Variants in METAP1D observed in about 807,000 individuals in gnomAD.
The protein encoded by METAP1D is methionine aminopeptidase 1D, mitochondrial.
In METAP1D, 31 loss-of-function variants were observed where a neutral mutation model predicts 40.5. The ratio of observed to expected loss-of-function variants is 0.77; its 90% confidence interval spans 0.58 to 1.03. The LOEUF is 1.03. METAP1D is among the 50% of genes least tolerant of loss of function. METAP1D has a pLI of 0.00. For synonymous variants in METAP1D, 151 were observed against 146.4 expected (o/e 1.03, Z -0.22); for missense variants, 411 against 420.7 (o/e 0.98, Z 0.20).
At chr2:172,057,706 C>T (rs1020534333) in intron 1 of METAP1D, among the ~76,000 whole-genome samples, 2 of 152,152 alleles carry the variant, frequency 1.3e-5, no homozygotes, top group African/African-American at 4.8e-5. Context: ...GGCAACTTAG[C>T]CTGCTTTCCC....
At chr2:172,002,819 A>T (rs961031667) in intron 1 of METAP1D, among the ~76,000 whole-genome samples, 3 of 152,184 alleles carry the variant, frequency 2.0e-5, no homozygotes, top group Non-Finnish European at 2.9e-5. Flanking sequence ...AGGATTTATT[A>T]TCAGCATTTA....
chr2:172,001,305 C>T (rs1574080483), intron 1 of METAP1D, among the ~76,000 whole-genome samples: 1 of 151,826 alleles, frequency 6.6e-6, no homozygotes, highest in African/African-American at 2.4e-5. Context: ...TTTGGGAGGC[C>T]GAGGCAGGTG....
chr2:172,025,937 C>T (rs1469666806), intron 1 of METAP1D, among the ~76,000 whole-genome samples: 1 of 152,142 alleles, frequency 6.6e-6, no homozygotes, highest in East Asian at 1.9e-4. Context: ...TTTTAGTAGG[C>T]ATCTCTAAAA....
chr2:172,009,917 G>A (rs750591128), intron 1 of METAP1D, among the ~76,000 whole-genome samples: 4 of 152,116 alleles, frequency 2.6e-5, no homozygotes, highest in South Asian at 2.1e-4. Flanking sequence ...AAGGAGACCC[G>A]AGGAAGGGAA....
intron 1 of METAP1D, among the ~76,000 whole-genome samples, chr2:172,025,416 C>T (rs1689101157): frequency 6.6e-6 from 1 of 152,106 alleles, no homozygotes; most frequent in Non-Finnish European, 1.5e-5. Flanking sequence ...GCAGCCTTAA[C>T]CTCCAGGGCT....
rs760139922 is a variant in METAP1D at position 172,079,190 on chromosome 2, A to AC, written c.803-19dup. ...TCTGTCCTCCCCATTTCCTATTCTC[A>AC]CCCCCCATGTTTTTTGTTTTGCAGC... On this transcript the variant is annotated intron_variant, in intron 7 of 9. Transcript: ENST00000315796. 8 of 1,606,812 alleles carry AC rather than the reference A, an allele frequency of 5.0e-6. No homozygotes were observed. The Admixed American group carries it at 6.7e-5, about 13-fold the overall frequency.
rs774595995 is a variant in METAP1D, at chr2:172,063,765, A to G, written c.253A>G (p.Ser85Gly). 8.1e-6 allele frequency: 13 copies of G among 1,614,168 alleles called. No individual in the cohort carries two copies. Among genetic ancestry groups the G allele is most frequent in the Non-Finnish European group, 1.1e-5 (13 of 1,180,016 alleles). The change falls in exon 3 of 10, where the codon AGC becomes GGC. Residue 85 changes from serine to glycine, a missense_variant. By Grantham distance (56) the Ser-to-Gly change is moderately conservative. Transcript: ENST00000315796. ...TTGIVPDWGDSIEVKNEDQIQ... is the reference protein window; with the variant it reads ...TTGIVPDWGDGIEVKNEDQIQ... ...AGGCATTGTACCAGACTGGGGAGAC[A>G]GCATAGAAGTTAAGAATGAAGATCA...
rs77988030 is a variant in METAP1D at position 172,058,547 on chromosome 2, C to CT, written c.41-2939dup. The stretch of plus-strand genomic sequence containing the variant: ...ATACATACCTGCCTCTATCAAGCAA[C>CT]TTTTTTTTTTTTAGAGAGACAGGAG... On this transcript the variant is annotated intron_variant, in intron 1 of 9. Transcript: ENST00000315796. Among the ~76,000 whole-genome samples the CT allele has an allele frequency of 2.8e-3, 417 of 150,326 alleles. 1 individual carries two copies. Among genetic ancestry groups the CT allele is most frequent in the Non-Finnish European group, 4.5e-3 (302 of 67,564 alleles).
chr2:172,020,987 C>T (rs999694352), intron 1 of METAP1D, among the ~76,000 whole-genome samples: 3 of 151,248 alleles, frequency 2.0e-5, no homozygotes, highest in African/African-American at 7.3e-5. Context: ...TCCAAGGAGT[C>T]AAAAGTAAAT....
intron 1 of METAP1D, among the ~76,000 whole-genome samples, chr2:172,001,342 C>T (rs1205120348): frequency 1.3e-5 from 2 of 151,882 alleles, no homozygotes; most frequent in Non-Finnish European, 2.9e-5. Context: ...AAGTTCAAGA[C>T]CAGCCTGGCC....
At chr2:172,044,022 A>G (rs2105445444) in intron 1 of METAP1D, among the ~76,000 whole-genome samples, 2 of 132,824 alleles carry the variant, frequency 1.5e-5, no homozygotes, top group East Asian at 2.0e-4. Flanking sequence ...GAGCCCAGGA[A>G]GTTAAAACTG....
intron 2 of METAP1D, among the ~76,000 whole-genome samples, chr2:172,063,266 C>A (rs1690177165): frequency 6.6e-6 from 1 of 152,028 alleles, no homozygotes; most frequent in Non-Finnish European, 1.5e-5. Context: ...TACATATGTT[C>A]ATTTTGAGAG....
At chr2:172,020,554 C>T (rs1018676273) in intron 1 of METAP1D, among the ~76,000 whole-genome samples, 3 of 152,210 alleles carry the variant, frequency 2.0e-5, no homozygotes, top group African/African-American at 4.8e-5. Flanking sequence ...TTTTTATTCA[C>T]TAGTTCTAAA....
chr2:172,026,773 A>C (rs1689128558), intron 1 of METAP1D, among the ~76,000 whole-genome samples: 1 of 152,240 alleles, frequency 6.6e-6, no homozygotes, highest in African/African-American at 2.4e-5. Flanking sequence ...TGAGGGCTCT[A>C]GAGTGAAATC....
chr2:172,061,176 T>G (rs1690132437), intron 1 of METAP1D, among the ~76,000 whole-genome samples: 1 of 152,214 alleles, frequency 6.6e-6, no homozygotes, highest in African/African-American at 2.4e-5. Flanking sequence ...TCTTGGACAT[T>G]GCCACATAAG....
At chr2:172,047,569 G>C (rs1343781867) in intron 1 of METAP1D, among the ~76,000 whole-genome samples, 2 of 152,124 alleles carry the variant, frequency 1.3e-5, no homozygotes, top group African/African-American at 4.8e-5. Context: ...GAGTAGCTGG[G>C]ACTACAGGAG....
chr2:172,026,942 C>T (rs1689131565), intron 1 of METAP1D, among the ~76,000 whole-genome samples: 1 of 152,172 alleles, frequency 6.6e-6, no homozygotes, highest in South Asian at 2.1e-4. Context: ...CAGGAGCAGA[C>T]AATTATGACT....
Position 172,079,219 on chromosome 2 carries a change from C to T in METAP1D, c.807C>T (p.Asn269=), listed in dbSNP as rs770033369. The change falls in exon 8 of 10, where the codon AAC becomes AAT. Residue 269 remains asparagine, a synonymous_variant. Coordinates refer to ENST00000315796, the MANE Select transcript of METAP1D (RefSeq NM_199227.3). The stretch of plus-strand genomic sequence containing the variant: ...CCCATGTTTTTTGTTTTGCAGCAAA[C>T]GACAGTGATCTACCCATGGAGGAGG... ...HGHPEIWHHA[N]DSDLPMEEGM... The T allele has an allele frequency of 5.0e-6, 8 of 1,613,726 alleles. No individual in the cohort carries two copies. The East Asian group carries it at 1.3e-4, about 27-fold the overall frequency.
At chr2:172,021,349 T>G (rs752250088) in intron 1 of METAP1D, among the ~76,000 whole-genome samples, 27 of 152,222 alleles carry the variant, frequency 1.8e-4, no homozygotes, top group Non-Finnish European at 2.9e-4. Flanking sequence ...CTTCTCCATC[T>G]TTACTCTCAA....
Sources: allele counts gnomAD v4.1 joint callset (sites outside exome capture counted in the v4.1 genomes callset), GRCh38; gene constraint gnomAD v4.1.1; transcripts MANE v1.5; gene names NCBI Gene and HGNC (gene_info 2026-07-23, HGNC 2026-07-21).